MIDEAS: variants seen among roughly 807,000 people sequenced by gnomAD.
The protein encoded by MIDEAS is mitotic deacetylase-associated SANT domain protein.
MIDEAS carries 26 observed loss-of-function variants against 102.7 expected under a neutral mutation model. The observed-to-expected ratio is 0.25, with a 90% confidence interval of 0.19 to 0.35. MIDEAS has a LOEUF of 0.35. MIDEAS is among the 10% of genes least tolerant of loss of function. The probability of loss-of-function intolerance (pLI) is 1.00; values close to 1 mark genes in which losing one functional copy is unlikely to be tolerated. For missense variants in MIDEAS, 1,231 were observed against 1,435.6 expected, an observed-to-expected ratio of 0.86 and a Z score of 2.30; for synonymous variants, 585 against 591.0, an observed-to-expected ratio of 0.99 and a Z score of 0.15.
chr14:73,785,560 C>G (rs2053799280), intron 1 of MIDEAS, among the ~76,000 whole-genome samples: 1 of 152,218 alleles, frequency 6.6e-6, no homozygotes, highest in South Asian at 2.1e-4. Context: ...GCTGACACTT[C>G]CAGGCTTAAA....
In MIDEAS at chr14:73,726,028, C is replaced by T; in HGVS notation, c.2485+5G>A. On this transcript the variant is annotated splice_donor_5th_base_variant and intron_variant, in intron 8 of 12. Transcript: ENST00000423556. Reference sequence around the variant, plus strand: ...AGGCACCATGCCCACCGCAGCCAGGCCCACCTGTGTAGTGATAAGTTGCCA... The same window carrying T: ...AGGCACCATGCCCACCGCAGCCAGGTCCACCTGTGTAGTGATAAGTTGCCA... The T allele has an allele frequency of 6.3e-7, 1 of 1,588,088 alleles. No individual in the cohort carries two copies. The highest frequency in any genetic ancestry group is 8.6e-7 in the Non-Finnish European group (1 of 1,167,818).
Position 73,732,616 on chromosome 14 carries a change from T to C in MIDEAS, c.1750-2631A>G, listed in dbSNP as rs538324716. Among the ~76,000 whole-genome samples the C allele has an allele frequency of 6.6e-5, 10 of 151,050 alleles. No individual in the cohort carries two copies. In the South Asian group the frequency reaches 1.0e-3, roughly 16 times the overall value. Reference sequence around the variant, plus strand: ...GCCTGGCCAACATGGCAAAACCCCATCTCTACTAAAGATACAAAAATTGGC... The same window carrying C: ...GCCTGGCCAACATGGCAAAACCCCACCTCTACTAAAGATACAAAAATTGGC... On this transcript the variant is annotated intron_variant, in intron 3 of 12. Transcript: ENST00000423556.
rs2052945334 is a variant in MIDEAS, at chr14:73,719,201, G to A, written c.3134+104C>T. 2.0e-6 allele frequency: 3 copies of A among 1,506,176 alleles called. No homozygotes were observed. The African/African-American group carries it at 4.2e-5, about 21-fold the overall frequency. 93.3% of individuals were successfully genotyped at this position (1,506,176 alleles called of 1,614,324 possible). A position where few individuals can be genotyped will look rare whatever the true frequency, so the allele number is the denominator to read the frequency against. On this transcript the variant is annotated intron_variant, in intron 12 of 12. Transcript: ENST00000423556. Reference sequence around the variant, plus strand: ...ACCCGCTGAGCCAACCAGAAACGAGGCGGACACCGCCTGTACCTCTTCCCC... The same window carrying A: ...ACCCGCTGAGCCAACCAGAAACGAGACGGACACCGCCTGTACCTCTTCCCC...
upstream of MIDEAS, among the ~76,000 whole-genome samples, chr14:73,765,052 G>A (rs1246873090): frequency 6.6e-6 from 1 of 152,246 alleles, no homozygotes; most frequent in African/African-American, 2.4e-5. Context: ...CAGACCGAGA[G>A]CTGCCAACTT....
chr14:73,769,241 G>T (rs1466418657), intron 1 of MIDEAS, among the ~76,000 whole-genome samples: 1 of 152,252 alleles, frequency 6.6e-6, no homozygotes, highest in African/African-American at 2.4e-5. Flanking sequence ...GACAAGGTGA[G>T]GGGTGGGGCC....
At position 73,729,808 on chromosome 14, in the gene MIDEAS, G is replaced by A; in HGVS notation, c.1927C>T (p.His643Tyr). ...HLRSPVRLAD[H>Y]PSERSFELPP... ...AGCTCAAAGCTCCGCTCAGAGGGGT[G>A]GTCAGCTAGGCGCACGGGAGAGCGC... Residue 643 changes from histidine (H) to tyrosine (Y), a missense_variant, in exon 4 of 13, where the codon CAC becomes TAC. Around this residue, in one of 5 missense-constraint regions of MIDEAS, gnomAD observed 758 missense variants for 856.0 expected, o/e 0.89. Transcript: ENST00000423556. The A allele has an allele frequency of 6.2e-7, 1 of 1,614,024 alleles. No individual in the cohort carries two copies. The highest frequency in any genetic ancestry group is 8.5e-7 in the Non-Finnish European group (1 of 1,180,026).
intron 1 of MIDEAS, among the ~76,000 whole-genome samples, chr14:73,748,331 T>TA (rs1246375751): frequency 2.6e-5 from 4 of 152,122 alleles, no homozygotes; most frequent in Middle Eastern, 3.4e-3. Context: ...GCAATTTCAT[T>TA]AAAAAAAGAA....
chr14:73,726,719 G>C lies in MIDEAS; in HGVS notation c.2306-12C>G. 6.2e-7 allele frequency: 1 copy of C among 1,614,166 alleles called. No homozygotes were observed. The highest frequency in any genetic ancestry group is 1.7e-5 in the Admixed American group (1 of 60,028). On this transcript the variant is annotated splice_polypyrimidine_tract_variant and intron_variant, in intron 6 of 12. Transcript: ENST00000423556. ...CAGCAGGTCTTCCACTGGATCCACA[G>C]GAGCATGAGGAGGGAGGGGAGGAAA...
At chr14:73,756,295 T>TGTGTGTGTGTGCGA (rs55692592) in intron 1 of MIDEAS, among the ~76,000 whole-genome samples, 1 of 127,626 alleles carries the variant, frequency 7.8e-6, no homozygotes, top group African/African-American at 2.7e-5. Context: ...TGTGTGTGTG[T>TGTGTGTGTGTGCGA]GCGCGCGCGC....
chr14:73,745,883 T>G (rs141557042), intron 1 of MIDEAS, among the ~76,000 whole-genome samples: 2 of 152,218 alleles, frequency 1.3e-5, no homozygotes, highest in Non-Finnish European at 1.5e-5. Context: ...AGAGGCCCTA[T>G]GGTCGGCCCA....
intron 1 of MIDEAS, among the ~76,000 whole-genome samples, chr14:73,780,631 A>G (rs2053746472): frequency 6.6e-6 from 1 of 152,164 alleles, no homozygotes; most frequent in Non-Finnish European, 1.5e-5. Flanking sequence ...GCCGGTGAGG[A>G]CAGTTGGCCC....
At chr14:73,785,205 C>G (rs1001407402) in intron 1 of MIDEAS, among the ~76,000 whole-genome samples, 2 of 152,254 alleles carry the variant, frequency 1.3e-5, no homozygotes, top group African/African-American at 4.8e-5. Flanking sequence ...AACGATGGCC[C>G]TGCACAAATC....
Position 73,727,538 on chromosome 14 carries a change from A to T in MIDEAS, c.2096-14T>A. On this transcript the variant is annotated splice_polypyrimidine_tract_variant and intron_variant, in intron 4 of 12. Coordinates refer to ENST00000423556, the MANE Select transcript of MIDEAS (RefSeq NM_001367710.1). ...CTTCAGCACTGTCTATGGGACAAAG[A>T]GCAGGTTGATAAATAGCACCCCCCT... is the stretch of plus-strand genomic sequence containing the variant. 1 of 1,596,748 alleles carries T rather than the reference A, an allele frequency of 6.3e-7. No individual in the cohort carries two copies. Among genetic ancestry groups the T allele is most frequent in the South Asian group, 1.1e-5 (1 of 89,092 alleles).
chr14:73,779,611 C>T (rs1288914948), intron 1 of MIDEAS, among the ~76,000 whole-genome samples: 4 of 130,992 alleles, frequency 3.1e-5, no homozygotes, highest in South Asian at 2.6e-4. Flanking sequence ...CGCTCTGTCG[C>T]CCAGGCTGGA....
intron 1 of MIDEAS, among the ~76,000 whole-genome samples, chr14:73,756,299 C>CGT (rs2053482066): frequency 1.4e-5 from 1 of 70,920 alleles, no homozygotes. Flanking sequence ...TGTGTGTGCG[C>CGT]GCGCGCGTGC....
upstream of MIDEAS, among the ~76,000 whole-genome samples, chr14:73,788,737 G>A (rs1327848022): frequency 6.6e-6 from 1 of 152,180 alleles, no homozygotes; most frequent in Non-Finnish European, 1.5e-5. Context: ...AGATGGTGAA[G>A]GGATTGCCCA....
chr14:73,755,076 AG>A (rs1382082594), intron 1 of MIDEAS: 1 of 152,294 alleles, frequency 6.6e-6, no homozygotes, highest in African/African-American at 2.4e-5. Context: ...GGACTCCTGA[AG>A]GAAGAAGCAC....
intron 1 of MIDEAS, among the ~76,000 whole-genome samples, chr14:73,749,867 G>T (rs1424470418): frequency 6.6e-6 from 1 of 152,100 alleles, no homozygotes; most frequent in African/African-American, 2.4e-5. Context: ...ACAGTCCTAG[G>T]CAGCCGCAGA....
intron 1 of MIDEAS, among the ~76,000 whole-genome samples, chr14:73,768,314 C>G (rs1459932409): frequency 6.6e-6 from 1 of 152,118 alleles, no homozygotes; most frequent in African/African-American, 2.4e-5. Context: ...CAAGGTCATA[C>G]AGATGGCATT....
Sources: allele counts gnomAD v4.1 joint callset (sites outside exome capture counted in the v4.1 genomes callset), GRCh38; gene constraint gnomAD v4.1.1; regional missense constraint gnomAD v4.1.1; transcripts MANE v1.5; gene names NCBI Gene and HGNC (gene_info 2026-07-23, HGNC 2026-07-21).